Variants in KDM2A observed in about 807,000 individuals in gnomAD.
The protein encoded by KDM2A is lysine demethylase 2A.
A neutral mutation model predicts 137.3 loss-of-function variants in KDM2A; 3 were observed. The ratio of observed to expected loss-of-function variants is 0.02; its 90% CI spans 0.01 to 0.06. The LOEUF (loss-of-function observed/expected upper bound fraction) is 0.06, where lower values mean the gene tolerates loss of function less well. Among genes scored for constraint, KDM2A ranks in the 10% least tolerant of loss-of-function variants. The pLI is 1.00. For missense variants in KDM2A, 738 were observed against 1,510.6 expected (o/e 0.49, Z 8.48); for synonymous variants, 512 against 541.5 (o/e 0.95, Z 0.76).
intron 2 of KDM2A, among the ~76,000 whole-genome samples, chr11:67,142,807 T>C (rs1179285349): frequency 1.3e-5 from 2 of 152,012 alleles, no homozygotes; most frequent in Admixed American, 6.6e-5. Flanking sequence ...TAATTAAAAT[T>C]AGAAACATTT....
intron 2 of KDM2A, among the ~76,000 whole-genome samples, chr11:67,177,385 G>T (rs1856993705): frequency 6.6e-6 from 1 of 151,982 alleles, no homozygotes; most frequent in African/African-American, 2.4e-5. Flanking sequence ...TTAAAACACA[G>T]ATACATTATA....
At position 67,179,506 on chromosome 11, in the gene KDM2A, C is replaced by G. The variant is rs145785935; in HGVS notation, c.43-573C>G. On this transcript the variant is annotated intron_variant, in intron 2 of 20. Coordinates refer to ENST00000529006, the MANE Select transcript of KDM2A (RefSeq NM_012308.3). ...CAGGCTGGTCTCTAATCTCGAACTCCCGACCTCAGGTGATCCGCCTGCCTC... is the reference window on the plus strand; with the variant it reads ...CAGGCTGGTCTCTAATCTCGAACTCGCGACCTCAGGTGATCCGCCTGCCTC... Among the ~76,000 whole-genome samples the G allele has an allele frequency of 6.4e-4, 98 of 152,304 alleles. 3 individuals carry two copies. The highest frequency in any genetic ancestry group is 2.2e-3 in the African/African-American group (92 of 41,562).
intron 2 of KDM2A, among the ~76,000 whole-genome samples, chr11:67,134,361 A>G (rs1855926549): frequency 6.6e-6 from 1 of 152,232 alleles, no homozygotes; most frequent in Admixed American, 6.5e-5. Flanking sequence ...GACAGCCCTA[A>G]CTACGATGAA....
intron 15 of KDM2A, among the ~76,000 whole-genome samples, chr11:67,247,083 T>TA (rs1859269116): frequency 1.2e-4 from 10 of 86,712 alleles, no homozygotes; most frequent in African/African-American, 4.9e-4. Context: ...TTTTTTTTTT[T>TA]TTTTTTTTTT....
At chr11:67,171,290 C>A (rs1007459267) in intron 2 of KDM2A, among the ~76,000 whole-genome samples, 1 of 152,074 alleles carries the variant, frequency 6.6e-6, no homozygotes, top group Admixed American at 6.6e-5. Flanking sequence ...TCAGGACAGA[C>A]GAGGCCGAGT....
intron 5 of KDM2A, among the ~76,000 whole-genome samples, chr11:67,190,673 A>G (rs1431145474): frequency 1.3e-5 from 2 of 152,140 alleles, no homozygotes; most frequent in African/African-American, 2.4e-5. Context: ...AGTCATGAGA[A>G]TCGCTTGAAC....
intron 2 of KDM2A, among the ~76,000 whole-genome samples, chr11:67,162,434 T>C (rs1219659469): frequency 6.6e-6 from 1 of 152,202 alleles, no homozygotes; most frequent in Admixed American, 6.5e-5. Context: ...AGACAGAGTC[T>C]CGTTCTGTCA....
At chr11:67,213,874 G>T (rs954401423) in intron 6 of KDM2A, among the ~76,000 whole-genome samples, 1 of 151,928 alleles carries the variant, frequency 6.6e-6, no homozygotes, top group Non-Finnish European at 1.5e-5. Flanking sequence ...TGTGTTTTTG[G>T]GTTTTTTATT....
At chr11:67,125,865 A>G (rs893169555) in intron 2 of KDM2A, among the ~76,000 whole-genome samples, 11 of 149,100 alleles carry the variant, frequency 7.4e-5, no homozygotes, top group African/African-American at 2.7e-4. Flanking sequence ...AATCACTTGA[A>G]CCGGGAGGCA....
Position 67,245,122 on chromosome 11 carries a change from T to C in KDM2A, c.1564-67T>C. ...GCCCCAGGCTAGGTATGCTACCATG[T>C]AATCTTCTACCCTATCCAGTCTTAA... On this transcript the variant is annotated intron_variant, in intron 13 of 20. Coordinates refer to ENST00000529006, the MANE Select transcript of KDM2A (RefSeq NM_012308.3). This position sits in a 1 kb window ranked among gnomAD's most constrained non-coding sequence, Gnocchi z 4.1. 1 of 1,555,130 alleles carries C rather than the reference T, an allele frequency of 6.4e-7. No individual in the cohort carries two copies. The highest frequency in any genetic ancestry group is 2.3e-5 in the East Asian group (1 of 44,312).
intron 2 of KDM2A, among the ~76,000 whole-genome samples, chr11:67,145,587 A>G (rs1856225026): frequency 6.6e-6 from 1 of 152,022 alleles, no homozygotes; most frequent in Non-Finnish European, 1.5e-5. Flanking sequence ...TCATAGAGGC[A>G]AAATTACTTA....
chr11:67,172,533 T>C (rs749069353), intron 2 of KDM2A, among the ~76,000 whole-genome samples: 3 of 152,250 alleles, frequency 2.0e-5, no homozygotes, highest in South Asian at 2.1e-4. Flanking sequence ...TATGCTATTA[T>C]AAATGGATTT....
chr11:67,147,294 G>C (rs1349642969), intron 2 of KDM2A, among the ~76,000 whole-genome samples: 1 of 152,054 alleles, frequency 6.6e-6, no homozygotes, highest in Non-Finnish European at 1.5e-5. Context: ...TGTAATCCCA[G>C]CACTTTGGGA....
chr11:67,191,852 A>G (rs1345121010), intron 5 of KDM2A, among the ~76,000 whole-genome samples: 3 of 152,226 alleles, frequency 2.0e-5, no homozygotes, highest in Non-Finnish European at 4.4e-5. Flanking sequence ...AGGCAAAAAA[A>G]GGAAAGAAAA....
rs1359933492 is a variant in KDM2A at position 67,190,634 on chromosome 11, TC to T, written c.307+8744del. On this transcript the variant is annotated intron_variant, in intron 5 of 20. Transcript: ENST00000529006. ...AACTGAGCTGGACATGGTTGCATGT[TC>T]CTGTAATCCCAGCTACTCAGGAGGC... Among the ~76,000 whole-genome samples, 3 of 143,308 alleles carry T rather than the reference TC, an allele frequency of 2.1e-5. No individual in the cohort carries two copies. In the East Asian group the frequency reaches 6.5e-4, roughly 31 times the overall value. 94.0% of individuals were successfully genotyped at this position (143,308 alleles called of 152,430 possible). A position where few individuals can be genotyped will look rare whatever the true frequency, so the allele number is the denominator to read the frequency against.
chr11:67,140,613 C>T (rs751246411), intron 2 of KDM2A, among the ~76,000 whole-genome samples: 5 of 151,852 alleles, frequency 3.3e-5, no homozygotes, highest in African/African-American at 1.2e-4. Flanking sequence ...ATTAGCCAGG[C>T]GTTGTGGCAG....
At chr11:67,235,604 T>TTTTTG (rs57740370) in intron 12 of KDM2A, among the ~76,000 whole-genome samples, 4,986 of 138,780 alleles carry the variant, frequency 0.036, 138 homozygotes, top group African/African-American at 0.08. Flanking sequence ...CCCGGCTGCT[T>TTTTTG]TTTTGTTTTG....
intron 2 of KDM2A, among the ~76,000 whole-genome samples, chr11:67,133,759 T>TGGCG (rs1455845043): frequency 1.3e-5 from 2 of 151,256 alleles, no homozygotes; most frequent in Admixed American, 6.6e-5. Context: ...TGACGTGCAG[T>TGGCG]GGCGCCATCT....
intron 5 of KDM2A, among the ~76,000 whole-genome samples, chr11:67,191,498 A>G (rs1234837121): frequency 2.0e-5 from 3 of 152,246 alleles, no homozygotes; most frequent in African/African-American, 4.8e-5. Context: ...ATTATACACC[A>G]TGACCAAGTG....
Sources: gnomAD v4.1 joint callset for allele counts (sites outside exome capture counted in the v4.1 genomes callset) on GRCh38, gnomAD v4.1.1 for gene constraint, Gnocchi (gnomAD v3.1) non-coding constraint, MANE v1.5 for transcripts, NCBI Gene and HGNC (gene_info 2026-07-23, HGNC 2026-07-21) for gene names.